ZDHHC14: variants seen among roughly 807,000 people sequenced by gnomAD.
ZDHHC14 encodes palmitoyltransferase ZDHHC14.
A neutral mutation model predicts 47.7 loss-of-function variants in ZDHHC14; 16 were observed. The ratio of observed to expected loss-of-function variants is 0.34; its 90% CI spans 0.23 to 0.51. The LOEUF (loss-of-function observed/expected upper bound fraction) is 0.51. Ranked by LOEUF, ZDHHC14 falls within the 20% of genes least tolerant of loss-of-function variation. The pLI, the probability that ZDHHC14 is intolerant of heterozygous loss-of-function variation, is 0.97. For synonymous variants in ZDHHC14, 293 were observed against 278.9 expected, an observed-to-expected ratio of 1.05 and a Z score of -0.50; for missense variants, 515 against 662.5, an observed-to-expected ratio of 0.78 and a Z score of 2.44.
At chr6:157,471,890 GA>G (rs1410676381) in intron 1 of ZDHHC14, among the ~76,000 whole-genome samples, 1 of 152,224 alleles carries the variant, frequency 6.6e-6, no homozygotes, top group Non-Finnish European at 1.5e-5. Context: ...AGGATCAAAT[GA>G]AATGCTTTAA....
chr6:157,490,528 A>C (rs957165827), intron 1 of ZDHHC14, among the ~76,000 whole-genome samples: 7 of 152,206 alleles, frequency 4.6e-5, no homozygotes, highest in African/African-American at 1.7e-4. Context: ...TTATCTAGAA[A>C]ATTCTTAAGG....
At chr6:157,577,535 G>GT (rs1004334462) in intron 2 of ZDHHC14, among the ~76,000 whole-genome samples, 1 of 152,004 alleles carries the variant, frequency 6.6e-6, no homozygotes, top group Non-Finnish European at 1.5e-5. Context: ...TCCAGCCTCT[G>GT]TTTTTTTGTT....
intron 3 of ZDHHC14, among the ~76,000 whole-genome samples, chr6:157,608,855 G>C (rs745720790): frequency 1.3e-5 from 2 of 152,202 alleles, no homozygotes; most frequent in Non-Finnish European, 2.9e-5. Flanking sequence ...TCCCCACAGG[G>C]CGGGACAGGG....
intron 1 of ZDHHC14, among the ~76,000 whole-genome samples, chr6:157,499,304 C>T (rs1337076686): frequency 6.6e-6 from 1 of 152,076 alleles, no homozygotes; most frequent in African/African-American, 2.4e-5. Context: ...ATCAAGAGTC[C>T]AGCAGATCAG....
At chr6:157,526,037 CTT>C (rs566913265) in intron 1 of ZDHHC14, among the ~76,000 whole-genome samples, 144 of 152,310 alleles carry the variant, frequency 9.5e-4, no homozygotes, top group South Asian at 4.3e-3. Flanking sequence ...TGCTCATAAG[CTT>C]TCACTTTAAA....
intron 1 of ZDHHC14, among the ~76,000 whole-genome samples, chr6:157,495,709 T>TTC: frequency 6.9e-6 from 1 of 145,698 alleles, no homozygotes; most frequent in Non-Finnish European, 1.5e-5. Context: ...TTTTTTTTTT[T>TTC]TTTTTTTTTT....
At position 157,495,231 on chromosome 6, in the gene ZDHHC14, T is replaced by C. The variant is rs1239468364; in HGVS notation, c.246-47354T>C. On this transcript the variant is annotated intron_variant, in intron 1 of 8. Transcript: ENST00000359775. ...TTTTTTGGAGAATTTAAATAAGCTATAATTTTGTTGTCCTATGTAACTATG... is the reference window on the plus strand; with the variant it reads ...TTTTTTGGAGAATTTAAATAAGCTACAATTTTGTTGTCCTATGTAACTATG... Among the ~76,000 whole-genome samples, 6 of 151,718 alleles carry C rather than the reference T, an allele frequency of 4.0e-5. No individual in the cohort carries two copies. In the East Asian group the frequency reaches 1.2e-3, roughly 29 times the overall value.
intron 8 of ZDHHC14, among the ~76,000 whole-genome samples, chr6:157,664,044 T>G (rs567129965): frequency 2.0e-5 from 3 of 152,306 alleles, no homozygotes; most frequent in Admixed American, 2.0e-4. Context: ...TGACTGTGTG[T>G]AAAGTGATTT....
chr6:157,602,023 G>A (rs1379382160), intron 3 of ZDHHC14, among the ~76,000 whole-genome samples: 1 of 151,982 alleles, frequency 6.6e-6, no homozygotes, highest in Admixed American at 6.5e-5. Context: ...CCAATATGGT[G>A]AAACCGCGTC....
chr6:157,494,528 G>T (rs574596108), intron 1 of ZDHHC14, among the ~76,000 whole-genome samples: 40 of 152,336 alleles, frequency 2.6e-4, no homozygotes, highest in African/African-American at 9.1e-4. Context: ...ATGTGGCCTG[G>T]ACTGCAGGGC....
intron 3 of ZDHHC14, among the ~76,000 whole-genome samples, chr6:157,620,957 A>G (rs1228469223): frequency 6.6e-6 from 1 of 152,380 alleles, no homozygotes; most frequent in East Asian, 1.9e-4. Flanking sequence ...TAAATGACAC[A>G]GTCCATGTAA....
At chr6:157,398,513 T>C (rs1438288367) in intron 1 of ZDHHC14, among the ~76,000 whole-genome samples, 1 of 152,200 alleles carries the variant, frequency 6.6e-6, no homozygotes, top group Non-Finnish European at 1.5e-5. Context: ...ATCTGACATC[T>C]AACTCAATTT....
chr6:157,665,138 C>T (rs1778497073), intron 8 of ZDHHC14, among the ~76,000 whole-genome samples: 1 of 152,192 alleles, frequency 6.6e-6, no homozygotes, highest in Non-Finnish European at 1.5e-5. Flanking sequence ...TGGTGCACTA[C>T]TGGAAACCAT....
chr6:157,493,853 C>T (rs1451984100), intron 1 of ZDHHC14, among the ~76,000 whole-genome samples: 1 of 152,234 alleles, frequency 6.6e-6, no homozygotes, highest in Non-Finnish European at 1.5e-5. Flanking sequence ...CTGGTTCTTG[C>T]CCAGGGTCAC....
chr6:157,536,565 CAG>C (rs1381573659), intron 1 of ZDHHC14, among the ~76,000 whole-genome samples: 1 of 152,194 alleles, frequency 6.6e-6, no homozygotes, highest in Admixed American at 6.5e-5. Flanking sequence ...CTCTGGAAAA[CAG>C]AGTGACCTAA....
rs35681787 is a variant in ZDHHC14, at chr6:157,622,216, C to CAAA, written c.566-6112_566-6110dup. Among the ~76,000 whole-genome samples, 178 of 93,842 alleles carry CAAA rather than the reference C, an allele frequency of 1.9e-3. 2 individuals carry two copies. Among genetic ancestry groups the CAAA allele is most frequent in the African/African-American group, 5.5e-3 (146 of 26,362 alleles). The allele number at this position is 93,842 out of a possible 152,430, so 61.6% of individuals were successfully genotyped here. On this transcript the variant is annotated intron_variant, in intron 3 of 8. Coordinates refer to ENST00000359775, the MANE Select transcript of ZDHHC14 (RefSeq NM_024630.3). ...CAAAATCCCATCTCCACTAAAAATACAAAAAAAAAAAAAAAAAAAAAAATA... is the reference window on the plus strand; with the variant it reads ...CAAAATCCCATCTCCACTAAAAATACAAAAAAAAAAAAAAAAAAAAAAAAAATA...
chr6:157,601,035 G>A (rs990215811), intron 3 of ZDHHC14, among the ~76,000 whole-genome samples: 1 of 152,216 alleles, frequency 6.6e-6, no homozygotes, highest in African/African-American at 2.4e-5. Context: ...CATGGAGCTC[G>A]GGAGAGGCCC....
intron 2 of ZDHHC14, chr6:157,592,636 C>A: frequency 1.6e-6 from 1 of 625,878 alleles, no homozygotes; most frequent in South Asian, 5.3e-5. Flanking sequence ...GGCGACTCCC[C>A]AGCTGTGTCT....
intron 7 of ZDHHC14, among the ~76,000 whole-genome samples, chr6:157,648,921 G>C (rs2114985759): frequency 6.6e-6 from 1 of 152,362 alleles, no homozygotes; most frequent in African/African-American, 2.4e-5. Context: ...GTGGGTCTAA[G>C]AGAGGATGCC....
Sources: allele counts gnomAD v4.1 joint callset (sites outside exome capture counted in the v4.1 genomes callset), GRCh38; gene constraint gnomAD v4.1.1; transcripts MANE v1.5; gene names NCBI Gene and HGNC (gene_info 2026-07-23, HGNC 2026-07-21).